MYCBPAP: variants seen among roughly 807,000 people sequenced by gnomAD.
The protein encoded by MYCBPAP is MYCBP associated protein, also known as MYCBP-associated protein.
In MYCBPAP, 60 loss-of-function variants were observed where a neutral mutation model predicts 106.1. That is an observed-to-expected ratio of 0.57 (90% CI 0.46 to 0.70). MYCBPAP has a LOEUF of 0.70. Among genes scored for constraint, MYCBPAP ranks in the 30% least tolerant of loss-of-function variants. The pLI is 0.00. For synonymous variants in MYCBPAP, 407 were observed against 440.6 expected (o/e 0.92, Z 0.95); for missense variants, 1,064 against 1,169.3 (o/e 0.91, Z 1.31).
chr17:50,522,709 A>AAAAAAAAATATATATATATATATATAT, intron 10 of MYCBPAP: 5 of 50,026 alleles, frequency 1.0e-4, no homozygotes, highest in African/African-American at 4.8e-4. Context: ...AAAAAAAAAA[A>AAAAAAAAATATATATATATATATATAT]ATATATATAT....
At chr17:50,508,348 G>T, upstream of MYCBPAP, 2 of 492,406 alleles carry the variant, frequency 4.1e-6, no homozygotes, top group Non-Finnish European at 7.0e-6. Context: ...ACTCGCGGGG[G>T]TCCTCGCCCG....
chr17:50,531,394 A>C lies in MYCBPAP; in HGVS notation c.2792A>C (p.Lys931Thr), dbSNP rs2034640893. Residue 931 changes from lysine (K) to threonine (T), a missense_variant, in exon 19 of 19, where the codon AAG becomes ACG. Transcript: ENST00000323776. ...CTGGCTGATGAGCTCAGCCCCATAA[A>C]GAATGTCGAGGAGGCTTTGCGCCTC... ...MVLADELSPI[K>T]NVEEALRLCR is the part of the protein sequence containing the mutation. The C allele has an allele frequency of 1.2e-6, 2 of 1,613,472 alleles. No individual in the cohort carries two copies. Among genetic ancestry groups the C allele is most frequent in the African/African-American group, 2.7e-5 (2 of 74,884 alleles).
rs149945437 is a variant in MYCBPAP at position 50,529,695 on chromosome 17, C to T, written c.2724+507C>T. 2.0e-3 allele frequency: 893 copies of T among 452,566 alleles called. 10 individuals are homozygous for T. The highest frequency in any genetic ancestry group is 0.016 in the African/African-American group (815 of 50,078). The allele number at this position is 452,566 out of a possible 1,614,324, so 28.0% of individuals were successfully genotyped here. On this transcript the variant is annotated intron_variant, in intron 18 of 18. Coordinates refer to ENST00000323776, the MANE Select transcript of MYCBPAP (RefSeq NM_032133.6). ...ATAGGCTTTAGAAGGTGGCTCTGGC[C>T]GCCCTTTGGAGAACAGACTCTAGGG...
intron 1 of MYCBPAP, among the ~76,000 whole-genome samples, chr17:50,513,319 G>A (rs931479615): frequency 1.3e-5 from 2 of 151,732 alleles, no homozygotes; most frequent in Non-Finnish European, 2.9e-5. Flanking sequence ...CCCGGGAGGC[G>A]GAGGTTGCAG....
At position 50,523,428 on chromosome 17, in the gene MYCBPAP, C is replaced by CTTTAGCACTCAAA. The variant is rs540362893; in HGVS notation, c.1448-166_1448-154dup. Among the ~76,000 whole-genome samples, 25 of 152,212 alleles carry CTTTAGCACTCAAA rather than the reference C, an allele frequency of 1.6e-4. 1 individual carries two copies. The East Asian group carries it at 4.6e-3, about 28-fold the overall frequency. ...GCCAGCTGTCTCTGTTTGCCTGGGA[C>CTTTAGCACTCAAA]TTTAGCACTCAAATTCCCACATTCC... On this transcript the variant is annotated intron_variant, in intron 11 of 18. Coordinates refer to ENST00000323776, the MANE Select transcript of MYCBPAP (RefSeq NM_032133.6).
At position 50,521,156 on chromosome 17, in the gene MYCBPAP, G is replaced by A; in HGVS notation, c.963G>A (p.Arg321=). The change falls in exon 8 of 19, where the codon CGG becomes CGA. Residue 321 remains arginine, a synonymous_variant. Transcript: ENST00000323776. The part of the protein sequence containing the change: ...RDASYRYTWD[R]SLFLIYRRKE... The stretch of plus-strand genomic sequence containing the variant: ...CTTCATACCGCTACACCTGGGATCG[G>A]AGTCTGTTTCTGATCTACCGACGCA... 4 of 1,613,808 alleles carry A rather than the reference G, an allele frequency of 2.5e-6. No homozygotes were observed. Among genetic ancestry groups the A allele is most frequent in the Non-Finnish European group, 3.4e-6 (4 of 1,179,970 alleles).
At position 50,529,121 on chromosome 17, in the gene MYCBPAP, T is replaced by A; in HGVS notation, c.2657T>A (p.Ile886Asn). ...TTGGAAGACCCTACCCCTGACATCATCCTCTCTTCTCAAGAACCCATAGAC... is the reference window on the plus strand; with the variant it reads ...TTGGAAGACCCTACCCCTGACATCAACCTCTCTTCTCAAGAACCCATAGAC... Reference protein sequence around the residue: ...FSLEDPTPDIILSSQEPIDPL... With the variant: ...FSLEDPTPDINLSSQEPIDPL... Residue 886 changes from isoleucine to asparagine, a missense_variant, in exon 18 of 19, where the codon ATC becomes AAC. Physicochemically the swap from Ile to Asn is moderately radical, Grantham distance 149 (BLOSUM62 -3). Transcript: ENST00000323776. 1 of 1,613,854 alleles carries A rather than the reference T, an allele frequency of 6.2e-7. No individual in the cohort carries two copies. The highest frequency in any genetic ancestry group is 2.2e-5 in the East Asian group (1 of 44,900).
chr17:50,523,143 C>A lies in MYCBPAP; in HGVS notation c.1447+15C>A. ...CAACCGGGAAGGTACTCGGGAGAAG[C>A]CACCCTATGTGCTAGCTCCTGTCTG... On this transcript the variant is annotated intron_variant, in intron 11 of 18. Transcript: ENST00000323776. The A allele has an allele frequency of 1.9e-6, 3 of 1,610,662 alleles. No individual in the cohort carries two copies. Among genetic ancestry groups the A allele is most frequent in the South Asian group, 1.1e-5 (1 of 90,876 alleles).
In MYCBPAP at chr17:50,508,468, AG is replaced by A; in HGVS notation, c.-206del. 1 of 1,421,754 alleles carries A rather than the reference AG, an allele frequency of 7.0e-7. No homozygotes were observed. Among genetic ancestry groups the A allele is most frequent in the Non-Finnish European group, 9.4e-7 (1 of 1,059,338 alleles). The allele number at this position is 1,421,754 out of a possible 1,614,324, so 88.1% of individuals were successfully genotyped here. A position where few individuals can be genotyped will look rare whatever the true frequency, so the allele number is the denominator to read the frequency against. ...CTTTCTAGGGGTCCGTCGCTCTTGA[AG>A]CCGCCGGCGGCGGGCGCGTGCGCGG... On this transcript the variant is annotated 5_prime_UTR_variant, in exon 1 of 19. Coordinates refer to ENST00000323776, the MANE Select transcript of MYCBPAP (RefSeq NM_032133.6).
At chr17:50,517,473 G>A in intron 3 of MYCBPAP, 21 bp downstream of exon 3, 1 of 1,614,130 alleles carries the variant, frequency 6.2e-7, no homozygotes, top group South Asian at 1.1e-5. Context: ...TCTCAGCCCT[G>A]GCTTCACTGT....
At chr17:50,521,452 G>A (rs1287471268) in intron 9 of MYCBPAP, 21 bp downstream of exon 9, 1 of 1,522,996 alleles carries the variant, frequency 6.6e-7, no homozygotes, top group African/African-American at 1.4e-5. Flanking sequence ...CCTGAACCCT[G>A]GGGAGAGAGG....
Position 50,517,712 on chromosome 17 carries a change from G to T in MYCBPAP, c.468+14G>T, listed in dbSNP as rs1457669700. ...GGGAACACCCAGGTTTGTTTGCACA[G>T]AACTACCCGGATGAGAGCAGTCACT... On this transcript the variant is annotated intron_variant, in intron 4 of 18. Transcript: ENST00000323776. 1.2e-6 allele frequency: 2 copies of T among 1,607,766 alleles called. No individual in the cohort carries two copies. Among genetic ancestry groups the T allele is most frequent in the Non-Finnish European group, 1.7e-6 (2 of 1,174,486 alleles).
At chr17:50,521,784 G>A (rs2034269320) in intron 9 of MYCBPAP, among the ~76,000 whole-genome samples, 189 bp from the exon 10 acceptor site, 1 of 152,216 alleles carries the variant, frequency 6.6e-6, no homozygotes, top group South Asian at 2.1e-4. Context: ...AAGAGTCTGT[G>A]TGTTTCTAAG....
Position 50,508,537 on chromosome 17 carries a change from G to A in MYCBPAP, c.-138G>A, listed in dbSNP as rs2033697303. ...TTTCCAAGCCGTCTCCGCCCAAGTTGATCGGTGGATGCGCGCCCCCGCGCG... is the reference window on the plus strand; with the variant it reads ...TTTCCAAGCCGTCTCCGCCCAAGTTAATCGGTGGATGCGCGCCCCCGCGCG... On this transcript the variant is annotated 5_prime_UTR_variant, in exon 1 of 19. Transcript: ENST00000323776. The A allele has an allele frequency of 3.9e-6, 6 of 1,538,990 alleles. No homozygotes were observed. The African/African-American group carries it at 6.9e-5, about 18-fold the overall frequency.
chr17:50,508,509 AG>A lies in MYCBPAP; in HGVS notation c.-164del. The A allele has an allele frequency of 6.6e-7, 1 of 1,526,202 alleles. No individual in the cohort carries two copies. Among genetic ancestry groups the A allele is most frequent in the African/African-American group, 1.4e-5 (1 of 71,194 alleles). The allele number at this position is 1,526,202 out of a possible 1,614,324, so 94.5% of individuals were successfully genotyped here. A position where few individuals can be genotyped will look rare whatever the true frequency, so the allele number is the denominator to read the frequency against. The stretch of plus-strand genomic sequence containing the variant: ...CGCGTGCGCGGCCCGATGAAGAAGG[AG>A]GTTTCCAAGCCGTCTCCGCCCAAGT... On this transcript the variant is annotated 5_prime_UTR_variant, in exon 1 of 19. An upstream open reading frame in the 5' UTR gains an earlier in-frame stop. Transcript: ENST00000323776.
chr17:50,523,775 A>G lies in MYCBPAP; in HGVS notation c.1626A>G (p.Lys542=), dbSNP rs767714630. ...AGGACGTTTTTGAGGATGAGAGGAA[A>G]GTACTGGAGGTAAGGGACCCAGGAC... ...LTQDVFEDER[K]VLESKLTAHE... Residue 542 remains lysine, a synonymous_variant, in exon 12 of 19, where the codon AAA becomes AAG. Coordinates refer to ENST00000323776, the MANE Select transcript of MYCBPAP (RefSeq NM_032133.6). 9.9e-6 allele frequency: 16 copies of G among 1,614,004 alleles called. No homozygotes were observed. In the South Asian group the frequency reaches 1.5e-4, roughly 16 times the overall value.
chr17:50,526,290 C>A, intron 14 of MYCBPAP, 23 bp downstream of exon 14: 1 of 1,566,654 alleles, frequency 6.4e-7, no homozygotes, highest in Admixed American at 1.9e-5. Flanking sequence ...CCCTGGAAGG[C>A]AATGGTAGAG....
At chr17:50,528,121 T>C (rs1179427267) in intron 15 of MYCBPAP, 34 bp from the exon 16 acceptor site, 6 of 1,571,818 alleles carry the variant, frequency 3.8e-6, no homozygotes, top group Non-Finnish European at 5.2e-6. Flanking sequence ...AAATGAGGAG[T>C]GATGGCATTT....
intron 13 of MYCBPAP, among the ~76,000 whole-genome samples, chr17:50,525,472 G>A (rs2143981324): frequency 6.6e-6 from 1 of 152,120 alleles, no homozygotes; most frequent in South Asian, 2.1e-4. Flanking sequence ...CTATGAGATG[G>A]GTACTATTTA....
Sources: allele counts gnomAD v4.1 joint callset (sites outside exome capture counted in the v4.1 genomes callset), GRCh38; gene constraint gnomAD v4.1.1; transcripts MANE v1.5; gene names NCBI Gene and HGNC (gene_info 2026-07-23, HGNC 2026-07-21).